Variants in USP28 observed in about 807,000 individuals in gnomAD.
USP28 encodes the protein ubiquitin carboxyl-terminal hydrolase 28.
USP28 carries 113 observed loss-of-function variants against 145.0 expected under a neutral mutation model. The ratio of observed to expected loss-of-function variants is 0.78; its 90% CI spans 0.67 to 0.91. The LOEUF (loss-of-function observed/expected upper bound fraction) is 0.91, where lower values mean the gene tolerates loss of function less well. Ranked by LOEUF, USP28 falls within the 40% of genes least tolerant of loss-of-function variation. USP28 has a pLI of 0.00. For missense variants in USP28, 1,201 were observed against 1,289.6 expected (o/e 0.93, Z 1.05); for synonymous variants, 447 against 450.9 (o/e 0.99, Z 0.11).
At chr11:113,808,546 C>A (rs922878898) in intron 17 of USP28, 109 bp from the exon 18 acceptor site, 4 of 1,177,748 alleles carry the variant, frequency 3.4e-6, no homozygotes, top group South Asian at 4.3e-5. Flanking sequence ...CCTGTTAACA[C>A]AGCTTTTTAC....
chr11:113,803,084 C>T, intron 23 of USP28, 74 bp downstream of exon 24: 1 of 1,446,634 alleles, frequency 6.9e-7, no homozygotes, highest in Non-Finnish European at 9.2e-7. Flanking sequence ...GTTTTGAAAG[C>T]CATATATTTT....
chr11:113,800,365 T>G (rs1938767705), intron 24 of USP28, among the ~76,000 whole-genome samples: 1 of 152,118 alleles, frequency 6.6e-6, no homozygotes, highest in South Asian at 2.1e-4. Flanking sequence ...TGCAGTGGTA[T>G]GATCTTGGGT....
At chr11:113,833,343 G>C in intron 7 of USP28, 77 bp downstream of exon 7, 1 of 1,539,242 alleles carries the variant, frequency 6.5e-7, no homozygotes, top group South Asian at 1.2e-5. Flanking sequence ...AGCTTGTTAC[G>C]CAGTTGAAAT....
rs149747112 is a variant in USP28 at position 113,833,483 on chromosome 11, A to C, written c.696T>G (p.Phe232Leu). 1.1e-5 allele frequency: 17 copies of C among 1,614,086 alleles called. No individual in the cohort carries two copies. The African/African-American group carries it at 2.3e-4, about 22-fold the overall frequency. ...GATCCAGGGCTGCAGACGGGTCTAC[A>C]AATTTTCTATTTGATCCCATCATTA... Residue 232 changes from phenylalanine to leucine, a missense_variant, in exon 7 of 25, where the codon TTT becomes TTG. By Grantham distance (22) the Phe-to-Leu change is conservative. Transcript: ENST00000003302.
intron 7 of USP28, 56 bp downstream of exon 7, chr11:113,833,364 C>A: frequency 6.3e-7 from 1 of 1,584,064 alleles, no homozygotes; most frequent in South Asian, 1.1e-5. Flanking sequence ...GAAGCAGTAC[C>A]GCATTAACAC....
intron 3 of USP28, among the ~76,000 whole-genome samples, chr11:113,852,252 T>C (rs901525089): frequency 3.3e-5 from 5 of 152,100 alleles, no homozygotes; most frequent in African/African-American, 9.6e-5. Flanking sequence ...ATGGTCTCGA[T>C]CTCCTGACCT....
chr11:113,864,514 T>C (rs1948074660), intron 1 of USP28, among the ~76,000 whole-genome samples: 1 of 152,088 alleles, frequency 6.6e-6, no homozygotes, highest in Non-Finnish European at 1.5e-5. Flanking sequence ...ACCAGGAAAG[T>C]TGAGTGTGTA....
At chr11:113,874,774 A>T in intron 1 of USP28, 1 of 1,151,282 alleles carries the variant, frequency 8.7e-7, no homozygotes, top group Non-Finnish European at 1.1e-6. Context: ...AGATTCTTAG[A>T]TCAGAAGTCC....
chr11:113,816,441 A>G (rs1191731260), intron 13 of USP28, among the ~76,000 whole-genome samples: 1 of 152,164 alleles, frequency 6.6e-6, no homozygotes, highest in Non-Finnish European at 1.5e-5. Context: ...TGAACCCAGA[A>G]GGCGGAGGTT....
chr11:113,861,502 G>A lies in USP28; in HGVS notation c.58-7167C>T, dbSNP rs1947693022. Among the ~76,000 whole-genome samples the A allele has an allele frequency of 2.6e-5, 4 of 152,026 alleles. No individual in the cohort carries two copies. The South Asian group carries it at 8.3e-4, about 32-fold the overall frequency. On this transcript the variant is annotated intron_variant, in intron 1 of 24. Transcript: ENST00000003302. ...TTAGCCACTATTATATCATGTAGAG[G>A]GGTTAAAACTGGGACTTAAAAACAA...
At chr11:113,798,639 T>G (rs1225079401) in exon 25 of USP28, 1 of 152,650 alleles carries the variant, frequency 6.6e-6, no homozygotes, top group Non-Finnish European at 1.5e-5. Flanking sequence ...TTTTCTGGTT[T>G]AAAGATAGAA....
chr11:113,799,499 C>G, intron 24 of USP28, 84 bp from the exon 26 acceptor site: 1 of 1,449,738 alleles, frequency 6.9e-7, no homozygotes, highest in Non-Finnish European at 9.3e-7. Context: ...AGCCCCTTAC[C>G]TAACCTCAAA....
chr11:113,828,594 G>A lies in USP28; in HGVS notation c.1059+603C>T, dbSNP rs544670693. Reference sequence around the variant, plus strand: ...TTTGTCTCAAAATGTATGATCAATGGAGAACAATCCCAACTGTGTAAAGAA... The same window carrying A: ...TTTGTCTCAAAATGTATGATCAATGAAGAACAATCCCAACTGTGTAAAGAA... On this transcript the variant is annotated intron_variant, in intron 10 of 24. Coordinates refer to ENST00000003302, the Ensembl canonical transcript of USP28. 2.0e-3 allele frequency among the ~76,000 whole-genome samples: 309 copies of A among 152,198 alleles called. 2 individuals carry two copies. The highest frequency in any genetic ancestry group is 3.9e-3 in the Non-Finnish European group (262 of 68,014).
chr11:113,823,505 T>C, intron 12 of USP28, 100 bp downstream of exon 12: 1 of 930,522 alleles, frequency 1.1e-6, no homozygotes, highest in South Asian at 1.8e-5. Context: ...TAAAATATTC[T>C]AGTTAATATT....
At chr11:113,855,887 G>A (rs1425285713) in intron 1 of USP28, among the ~76,000 whole-genome samples, 3 of 152,140 alleles carry the variant, frequency 2.0e-5, no homozygotes, top group African/African-American at 7.2e-5. Flanking sequence ...ACTCTAGCCT[G>A]GGCAACAAGA....
intron 16 of USP28, among the ~76,000 whole-genome samples, chr11:113,811,160 A>G (rs1200109344): frequency 6.6e-6 from 1 of 152,210 alleles, no homozygotes; most frequent in East Asian, 1.9e-4. Context: ...ACTGCCATTT[A>G]TTGACTATGT....
intron 18 of USP28, 89 bp from the exon 20 acceptor site, chr11:113,806,673 A>G: frequency 2.2e-6 from 2 of 907,434 alleles, no homozygotes; most frequent in East Asian, 2.7e-5. Flanking sequence ...ACAGAGTGCT[A>G]AAGGGCAGCA....
exon 23 of USP28, chr11:113,803,197 T>C (rs780936191): frequency 1.2e-6 from 2 of 1,614,032 alleles, no homozygotes; most frequent in Non-Finnish European, 1.7e-6. Flanking sequence ...TCACGGATTC[T>C]TTGACCCCCC....
chr11:113,870,150 G>A lies in USP28; in HGVS notation c.57+5295C>T, dbSNP rs369259565. 1.6e-3 allele frequency among the ~76,000 whole-genome samples: 246 copies of A among 152,192 alleles called. 1 individual carries two copies. The highest frequency in any genetic ancestry group is 5.4e-3 in the African/African-American group (224 of 41,522). On this transcript the variant is annotated intron_variant, in intron 1 of 24. Coordinates refer to ENST00000003302, the Ensembl canonical transcript of USP28. ...GCACTCCACCCTGGGCAACAAGAGC[G>A]AAACTCCGTCTCAAAAAACAAAACA...
Sources: gnomAD v4.1 joint callset for allele counts (sites outside exome capture counted in the v4.1 genomes callset) on GRCh38, gnomAD v4.1.1 for gene constraint, MANE v1.5 for transcripts, NCBI Gene and HGNC (gene_info 2026-07-23, HGNC 2026-07-21) for gene names.